ASNS: variants seen among roughly 807,000 people sequenced by gnomAD.
ASNS encodes asparagine synthetase [glutamine-hydrolyzing].
In ASNS, 37 loss-of-function variants were observed where a neutral mutation model predicts 62.6. The ratio of observed to expected loss-of-function variants is 0.59; its 90% CI spans 0.45 to 0.78. The LOEUF is 0.78. ASNS is among the 30% of genes least tolerant of loss of function. ASNS has a pLI of 0.00. For synonymous variants in ASNS, 207 were observed against 237.9 expected, an observed-to-expected ratio of 0.87 and a Z score of 1.19; for missense variants, 520 against 682.4, an observed-to-expected ratio of 0.76 and a Z score of 2.65.
the ASNS span, among the ~76,000 whole-genome samples, chr7:97,924,301 G>C: frequency 1.1e-4 from 16 of 152,300 alleles, no homozygotes; most frequent in Admixed American, 2.6e-4. Context: ...TTCGGCCAGG[G>C]GGGGATGCGA....
rs753696285 is a variant in ASNS, at chr7:97,864,218, C to T, written c.487+41G>A. On this transcript the variant is annotated intron_variant, in intron 4 of 12. Transcript: ENST00000394308. ...ATATAATTTAAAAGAAAACGTACAA[C>T]CAAGACAATAATGAAAATCTATAGA... 18 of 1,541,516 alleles carry T rather than the reference C, an allele frequency of 1.2e-5. No individual in the cohort carries two copies. The South Asian group carries it at 1.9e-4, about 16-fold the overall frequency.
chr7:97,870,381 C>A, intron 1 of ASNS: 1 of 313,426 alleles, frequency 3.2e-6, no homozygotes, highest in South Asian at 9.3e-5. Flanking sequence ...CAGCAAATGC[C>A]CAAATAGTTT....
the ASNS span, among the ~76,000 whole-genome samples, chr7:97,923,344 C>T: frequency 6.6e-5 from 10 of 151,940 alleles, no homozygotes; most frequent in African/African-American, 2.2e-4. Flanking sequence ...AATCCCAGCA[C>T]TTTGGGAAGC....
the ASNS span, among the ~76,000 whole-genome samples, chr7:97,917,263 T>C: frequency 6.7e-6 from 1 of 149,002 alleles, no homozygotes; most frequent in Non-Finnish European, 1.5e-5. Flanking sequence ...TCAGGTTTAA[T>C]TGGACTTCCT....
At chr7:97,889,462 A>G in the ASNS span, among the ~76,000 whole-genome samples, 1 of 152,170 alleles carries the variant, frequency 6.6e-6, no homozygotes, top group Non-Finnish European at 1.5e-5. Flanking sequence ...GGTTGCGGTG[A>G]GCTGAGATTG....
chr7:97,864,547 A>G lies in ASNS; in HGVS notation c.250-51T>C, dbSNP rs756153563. Reference sequence around the variant, plus strand: ...ATGTTAGACTCCTTGTACATTCACTAATAATTTTTTATTGCAAAGATGCTT... The same window carrying G: ...ATGTTAGACTCCTTGTACATTCACTGATAATTTTTTATTGCAAAGATGCTT... On this transcript the variant is annotated intron_variant, in intron 3 of 12. Coordinates refer to ENST00000394308, the MANE Select transcript of ASNS (RefSeq NM_001673.5). 7.0e-6 allele frequency: 9 copies of G among 1,290,026 alleles called. No individual in the cohort carries two copies. The African/African-American group carries it at 1.2e-4, about 17-fold the overall frequency. 79.9% of individuals were successfully genotyped at this position (1,290,026 alleles called of 1,614,324 possible).
At chr7:97,877,898 C>T in the ASNS span, among the ~76,000 whole-genome samples, 3 of 152,158 alleles carry the variant, frequency 2.0e-5, no homozygotes, top group African/African-American at 7.2e-5. Context: ...TGCACACACT[C>T]AAGAAGAGAT....
intron 4 of ASNS, chr7:97,862,959 C>T (rs1306845105): frequency 6.6e-6 from 1 of 152,202 alleles, no homozygotes; most frequent in Non-Finnish European, 1.5e-5. Context: ...TACCACTTCA[C>T]ATACACTAGA....
chr7:97,870,085 A>G, intron 1 of ASNS: 2 of 346,802 alleles, frequency 5.8e-6, no homozygotes, highest in Non-Finnish European at 1.0e-5. Flanking sequence ...TACGTTAATT[A>G]CTTTCCAATT....
the ASNS span, among the ~76,000 whole-genome samples, chr7:97,901,154 T>A: frequency 2.0e-5 from 3 of 152,222 alleles, no homozygotes; most frequent in Admixed American, 1.3e-4. Flanking sequence ...CTTGGGCTCT[T>A]ACCTAATTTG....
chr7:97,906,487 G>C, the ASNS span: 9 of 179,848 alleles, frequency 5.0e-5, no homozygotes, highest in East Asian at 1.6e-3. Context: ...ACATACTCCT[G>C]GTGTTCTTCC....
At chr7:97,864,756 A>G (rs1791886890) in intron 3 of ASNS, among the ~76,000 whole-genome samples, 1 of 152,170 alleles carries the variant, frequency 6.6e-6, no homozygotes, top group South Asian at 2.1e-4. Context: ...CAGAACAGTA[A>G]CCTGTGGAGG....
chr7:97,886,390 G>A, the ASNS span, among the ~76,000 whole-genome samples: 506 of 152,108 alleles, frequency 3.3e-3, 1 homozygote, highest in African/African-American at 0.011. Flanking sequence ...CTCGTGACCC[G>A]CTCGCCTCAG....
At chr7:97,855,822 G>A (rs1368419632) in intron 8 of ASNS, among the ~76,000 whole-genome samples, 4 of 152,104 alleles carry the variant, frequency 2.6e-5, no homozygotes, top group East Asian at 1.9e-4. Flanking sequence ...AAGAATAACC[G>A]TTTTGGTGGT....
At chr7:97,889,215 C>T in the ASNS span, among the ~76,000 whole-genome samples, 1 of 152,150 alleles carries the variant, frequency 6.6e-6, no homozygotes, top group African/African-American at 2.4e-5. Context: ...CTCACCACAG[C>T]CTCCAATAAC....
the ASNS span, among the ~76,000 whole-genome samples, chr7:97,903,556 G>A: frequency 6.6e-6 from 1 of 152,142 alleles, no homozygotes; most frequent in South Asian, 2.1e-4. Context: ...GTACCTATTT[G>A]TTTAATTCAG....
the ASNS span, among the ~76,000 whole-genome samples, chr7:97,911,028 T>C: frequency 6.6e-6 from 1 of 152,222 alleles, no homozygotes; most frequent in Non-Finnish European, 1.5e-5. Flanking sequence ...AATTGACATT[T>C]TGAGGACAAG....
the ASNS span, among the ~76,000 whole-genome samples, chr7:97,924,476 C>T: frequency 6.6e-6 from 1 of 152,224 alleles, no homozygotes; most frequent in Non-Finnish European, 1.5e-5. Context: ...GCAGAGAAAG[C>T]TTCAGCCTGT....
At chr7:97,896,209 A>G in the ASNS span, among the ~76,000 whole-genome samples, 3 of 151,854 alleles carry the variant, frequency 2.0e-5, no homozygotes, top group Non-Finnish European at 4.4e-5. Flanking sequence ...TGAAATTCAT[A>G]TGGAACCACA....
Sources: gnomAD v4.1 joint callset for allele counts (sites outside exome capture counted in the v4.1 genomes callset) on GRCh38, gnomAD v4.1.1 for gene constraint, MANE v1.5 for transcripts, NCBI Gene and HGNC (gene_info 2026-07-23, HGNC 2026-07-21) for gene names.